ZNHIT6: variants seen among roughly 807,000 people sequenced by gnomAD.
The protein encoded by ZNHIT6 is box C/D snoRNA protein 1.
Under a neutral mutation model 57.2 loss-of-function variants are expected in ZNHIT6, and 45 were observed. The observed-to-expected ratio is 0.79, with a 90% CI of 0.62 to 1.01. The LOEUF (loss-of-function observed/expected upper bound fraction) is 1.01. ZNHIT6 is among the 50% of genes least tolerant of loss of function. The pLI is 0.00. For synonymous variants in ZNHIT6, 188 were observed against 190.0 expected, an observed-to-expected ratio of 0.99 and a Z score of 0.09; for missense variants, 528 against 567.3, an observed-to-expected ratio of 0.93 and a Z score of 0.70.
In ZNHIT6 at chr1:85,708,003, G is replaced by C. The variant is rs761719641; in HGVS notation, c.282C>G (p.Gly94=). Residue 94 remains glycine, a synonymous_variant, in exon 1 of 10, where the codon GGC becomes GGG. Coordinates refer to ENST00000370574, the MANE Select transcript of ZNHIT6 (RefSeq NM_017953.4). ...CCTCCACCTCCTGTTCTACCCACTG[G>C]CCAGCCAACCTGCCTTCTGTACCTG... ...DWPGTEGRLA[G]QWVEQEVEDR... 16 of 1,613,900 alleles carry C rather than the reference G, an allele frequency of 9.9e-6. No homozygotes were observed. In the South Asian group the frequency reaches 1.8e-4, roughly 18 times the overall value.
In ZNHIT6 at chr1:85,654,058, T is replaced by A; in HGVS notation, c.1413A>T (p.Ter471CysextTer40). The change falls in exon 10 of 10, where the codon TGA becomes TGT. Residue 471 changes from the stop codon to cysteine, a stop_lost. Transcript: ENST00000370574. ...CACTTTCTTCTTCCAGAAAAAATGC[T>A]CAATTTTCATTGCCAACGTTCTTGG... ...ESTKNVGNEN[*>C] The A allele has an allele frequency of 1.2e-6, 2 of 1,612,204 alleles. No individual in the cohort carries two copies.
chr1:85,663,995 T>G (rs1360458839), intron 8 of ZNHIT6, among the ~76,000 whole-genome samples: 2 of 152,162 alleles, frequency 1.3e-5, no homozygotes, highest in Non-Finnish European at 2.9e-5. Context: ...TTTCTTTCAT[T>G]TCGACCTTGG....
chr1:85,685,494 T>A (rs1193802368), intron 5 of ZNHIT6, among the ~76,000 whole-genome samples: 5 of 145,030 alleles, frequency 3.4e-5, no homozygotes, highest in South Asian at 2.1e-4. Context: ...GATTATTTCT[T>A]GACATTATAA....
chr1:85,659,985 A>T (rs1435974247), intron 8 of ZNHIT6, among the ~76,000 whole-genome samples: 1 of 152,244 alleles, frequency 6.6e-6, no homozygotes, highest in African/African-American at 2.4e-5. Flanking sequence ...GAATTCATAC[A>T]TTCTTTTCCC....
At chr1:85,702,302 C>T (rs761330499) in intron 4 of ZNHIT6, 42 bp from the exon 5 acceptor site, 53 of 1,229,998 alleles carry the variant, frequency 4.3e-5, no homozygotes, top group Non-Finnish European at 5.9e-5. Context: ...TTTTAAATTC[C>T]TTAAATTTAA....
rs756222575 is a variant in ZNHIT6, at chr1:85,657,977, T to C, written c.1248-6A>G. 6.9e-7 allele frequency: 1 copy of C among 1,441,794 alleles called. No individual in the cohort carries two copies. The highest frequency in any genetic ancestry group is 9.4e-7 in the Non-Finnish European group (1 of 1,066,932). The allele number at this position is 1,441,794 out of a possible 1,614,324, so 89.3% of individuals were successfully genotyped here. On this transcript the variant is annotated splice_region_variant and splice_polypyrimidine_tract_variant and intron_variant, in intron 8 of 9. Transcript: ENST00000370574. The stretch of plus-strand genomic sequence containing the variant: ...AAGGATCTAGTTCATAATATCTTAT[T>C]AATAAAAAAAAACAAAAAACCAGGA...
rs1354994919 is a variant in ZNHIT6, at chr1:85,653,135, G to C, written c.*923C>G. ...AAGGCACAGAATTCATAAGACTTGA[G>C]TAAGTAGATCCAAATTTGTTATCAC... On this transcript the variant is annotated 3_prime_UTR_variant, in exon 10 of 10. Coordinates refer to ENST00000370574, the MANE Select transcript of ZNHIT6 (RefSeq NM_017953.4). 4 of 152,154 alleles carry C rather than the reference G, an allele frequency of 2.6e-5. No individual in the cohort carries two copies. Among genetic ancestry groups the C allele is most frequent in the Non-Finnish European group, 5.9e-5 (4 of 68,032 alleles). The allele number at this position is 152,154 out of a possible 1,614,324, so 9.4% of individuals were successfully genotyped here. A position where few individuals can be genotyped will look rare whatever the true frequency, so the allele number is the denominator to read the frequency against.
rs1213460398 is a variant in ZNHIT6 at position 85,708,048 on chromosome 1, C to T, written c.237G>A (p.Lys79=). The change falls in exon 1 of 10, where the codon AAG becomes AAA. Residue 79 remains lysine, a synonymous_variant. Coordinates refer to ENST00000370574, the MANE Select transcript of ZNHIT6 (RefSeq NM_017953.4). ...TACCTGGCCAGTCTATAATTTCCTG[C>T]TTCACTACCGTTAGGTCCATCGGTA... The part of the protein sequence containing the change: ...EEIPMDLTVV[K]QEIIDWPGTE... 6.2e-7 allele frequency: 1 copy of T among 1,614,062 alleles called. No individual in the cohort carries two copies. Among genetic ancestry groups the T allele is most frequent in the African/African-American group, 1.3e-5 (1 of 74,928 alleles).
At position 85,649,533 on chromosome 1, in the gene ZNHIT6, T is replaced by TAC. The variant is rs1660846985; in HGVS notation, c.*4523_*4524dup. ...GTTCTAAAGTTCAAAATGAGTACAG[T>TAC]ACATCACACTCCAGTATGGAAAATG... On this transcript the variant is annotated 3_prime_UTR_variant, in exon 10 of 10. Transcript: ENST00000370574. 1 of 152,214 alleles carries TAC rather than the reference T, an allele frequency of 6.6e-6. No homozygotes were observed. The highest frequency in any genetic ancestry group is 2.4e-5 in the African/African-American group (1 of 41,448). 9.4% of individuals were successfully genotyped at this position (152,214 alleles called of 1,614,324 possible).
chr1:85,657,910 C>A lies in ZNHIT6; in HGVS notation c.1309G>T (p.Glu437Ter). 6.2e-7 allele frequency: 1 copy of A among 1,600,892 alleles called. No individual in the cohort carries two copies. Among genetic ancestry groups the A allele is most frequent in the South Asian group, 1.1e-5 (1 of 89,382 alleles). Residue 437 changes from glutamate (E) to a stop codon, truncating the protein, a stop_gained, in exon 9 of 10, where the codon GAG becomes TAG. Transcript: ENST00000370574. LOFTEE classifies it high-confidence loss of function. ...LDNLRNKVII[E>*]YPTLHVVLKG... Reference sequence around the variant, plus strand: ...AATACCACATGTAATGTTGGATACTCAATGATCACTTTGTTCCTCAAATTG... The same window carrying A: ...AATACCACATGTAATGTTGGATACTAAATGATCACTTTGTTCCTCAAATTG...
chr1:85,704,072 T>C (rs1170562102), intron 4 of ZNHIT6, among the ~76,000 whole-genome samples: 1 of 152,150 alleles, frequency 6.6e-6, no homozygotes, highest in Non-Finnish European at 1.5e-5. Context: ...AAAACCACAA[T>C]AAAATTACAA....
Position 85,657,952 on chromosome 1 carries a change from A to G in ZNHIT6, c.1267T>C (p.Tyr423His). The change falls in exon 9 of 10, where the codon TAT (tyrosine) becomes CAT (histidine). Residue 423 changes from tyrosine (Y) to histidine (H), a missense_variant. Physicochemically the swap from Tyr to His is moderately conservative, Grantham distance 83 (BLOSUM62 2). Transcript: ENST00000370574. ...NLVRYYELDPYKSLLDNLRNK... is the reference protein window; with the variant it reads ...NLVRYYELDPHKSLLDNLRNK... ...CTCAAATTGTCTAGGAGACTTTTAT[A>G]AGGATCTAGTTCATAATATCTTATT... is the stretch of plus-strand genomic sequence containing the variant. 2 of 1,548,296 alleles carry G rather than the reference A, an allele frequency of 1.3e-6. No homozygotes were observed. The highest frequency in any genetic ancestry group is 1.8e-6 in the Non-Finnish European group (2 of 1,128,632).
intron 5 of ZNHIT6, among the ~76,000 whole-genome samples, chr1:85,686,575 T>C (rs1662043866): frequency 6.6e-6 from 1 of 152,026 alleles, no homozygotes; most frequent in Non-Finnish European, 1.5e-5. Context: ...ACTCCAACAC[T>C]GATTAACCAA....
chr1:85,665,426 C>T (rs1661343815), intron 8 of ZNHIT6, among the ~76,000 whole-genome samples: 3 of 151,902 alleles, frequency 2.0e-5, no homozygotes, highest in Non-Finnish European at 4.4e-5. Flanking sequence ...CTGTGCCGGC[C>T]TCAAGTTGAT....
chr1:85,666,823 T>A (rs1329869479), intron 8 of ZNHIT6, among the ~76,000 whole-genome samples: 2 of 152,190 alleles, frequency 1.3e-5, no homozygotes, highest in East Asian at 3.8e-4. Context: ...ACTCTAACAT[T>A]TTCTAATCCT....
chr1:85,703,383 CAA>C (rs1662590627), intron 4 of ZNHIT6, among the ~76,000 whole-genome samples: 1 of 152,126 alleles, frequency 6.6e-6, no homozygotes, highest in South Asian at 2.1e-4. Flanking sequence ...AATCAGATAA[CAA>C]GTTTCAGTAA....
rs1280446539 is a variant in ZNHIT6, at chr1:85,654,065, T to C, written c.1406A>G (p.Glu469Gly). Residue 469 changes from glutamate to glycine, a missense_variant, in exon 10 of 10, where the codon GAA becomes GGA. By Grantham distance (98) the Glu-to-Gly change is moderately conservative (BLOSUM62 -2). Coordinates refer to ENST00000370574, the MANE Select transcript of ZNHIT6 (RefSeq NM_017953.4). ...TTCTTCCAGAAAAAATGCTCAATTT[T>C]CATTGCCAACGTTCTTGGTAGATTC... Reference protein sequence around the residue: ...KSESTKNVGNEN With the variant: ...KSESTKNVGNGN The C allele has an allele frequency of 6.2e-7, 1 of 1,612,488 alleles. No individual in the cohort carries two copies.
intron 5 of ZNHIT6, among the ~76,000 whole-genome samples, chr1:85,684,474 G>A (rs1038049638): frequency 1.3e-5 from 2 of 152,082 alleles, no homozygotes; most frequent in Non-Finnish European, 1.5e-5. Flanking sequence ...CCCTACAAAG[G>A]GCTACTGTAT....
chr1:85,661,386 A>G (rs975240602), intron 8 of ZNHIT6, among the ~76,000 whole-genome samples: 4 of 152,226 alleles, frequency 2.6e-5, no homozygotes, highest in Admixed American at 2.6e-4. Context: ...GGGCTAAATG[A>G]TAAAACACAG....
Sources: gnomAD v4.1 joint callset for allele counts (sites outside exome capture counted in the v4.1 genomes callset) on GRCh38, gnomAD v4.1.1 for gene constraint, MANE v1.5 for transcripts, NCBI Gene and HGNC (gene_info 2026-07-23, HGNC 2026-07-21) for gene names.